TYW1B: variants seen among roughly 807,000 people sequenced by gnomAD.
The protein encoded by TYW1B is S-adenosyl-L-methionine-dependent tRNA 4-demethylwyosine synthase TYW1B.
Under a neutral mutation model 86.9 loss-of-function variants are expected in TYW1B, and 73 were observed. The ratio of observed to expected loss-of-function variants is 0.84; its 90% CI spans 0.70 to 1.02. The LOEUF is 1.02. Ranked by LOEUF, TYW1B falls within the 50% of genes least tolerant of loss-of-function variation. The pLI, the probability that TYW1B is intolerant of heterozygous loss-of-function variation, is 0.00. For missense variants in TYW1B, 637 were observed against 827.4 expected (o/e 0.77, Z 2.82); for synonymous variants, 248 against 292.8 (o/e 0.85, Z 1.56).
chr7:72,822,162 C>CAAAAAA (rs782637112), intron 2 of TYW1B, among the ~76,000 whole-genome samples: 45 of 35,722 alleles, frequency 1.3e-3, no homozygotes, highest in Admixed American at 2.0e-3. Flanking sequence ...GACCCTGTCT[C>CAAAAAA]AAAAAAAAAA....
intron 6 of TYW1B, among the ~76,000 whole-genome samples, chr7:72,780,413 G>A (rs576213095): frequency 3.5e-4 from 53 of 152,240 alleles, no homozygotes; most frequent in Admixed American, 2.2e-3. Context: ...AGACATGGCA[G>A]TATTTGCCCT....
intron 11 of TYW1B, among the ~76,000 whole-genome samples, chr7:72,677,982 G>A (rs1585896374): frequency 6.6e-6 from 1 of 152,154 alleles, no homozygotes; most frequent in Non-Finnish European, 1.5e-5. Flanking sequence ...GATTACAGGC[G>A]TGAGCCACCG....
chr7:72,744,521 T>G lies in TYW1B; in HGVS notation c.1045A>C (p.Ser349Arg). ...ACACATTTATTAGCACACGCCAAGC[T>G]CGGGGTGGTTTCCATGCAGCGATGG... ...ESHRCMETTP[S>R]LACANKCVFC... The change falls in exon 8 of 14, where the codon AGC becomes CGC. Residue 349 changes from serine (S) to arginine (R), a missense_variant. Ser to Arg is a moderately radical substitution (Grantham distance 110). Coordinates refer to ENST00000620995, the MANE Select transcript of TYW1B (RefSeq NM_001145440.3). 1 of 1,588,222 alleles carries G rather than the reference T, an allele frequency of 6.3e-7. No individual in the cohort carries two copies. The highest frequency in any genetic ancestry group is 8.5e-7 in the Non-Finnish European group (1 of 1,171,498).
At chr7:72,631,876 A>G (rs1227947378) in intron 11 of TYW1B, among the ~76,000 whole-genome samples, 1 of 152,176 alleles carries the variant, frequency 6.6e-6, no homozygotes, top group African/African-American at 2.4e-5. Context: ...TGAATGTAGC[A>G]TTTAGCATGT....
chr7:72,755,683 G>A (rs905914944), intron 7 of TYW1B, among the ~76,000 whole-genome samples: 11 of 152,084 alleles, frequency 7.2e-5, no homozygotes, highest in Non-Finnish European at 1.5e-4. Context: ...GAAGGGAAGC[G>A]TCATCTGTCA....
intron 13 of TYW1B, among the ~76,000 whole-genome samples, chr7:72,588,780 T>C (rs1210691706): frequency 7.2e-5 from 11 of 151,790 alleles, no homozygotes; most frequent in Admixed American, 3.9e-4. Context: ...GATTGAATTC[T>C]AGTTGTGTCC....
At chr7:72,648,146 A>G (rs1177605869) in intron 11 of TYW1B, among the ~76,000 whole-genome samples, 1 of 152,198 alleles carries the variant, frequency 6.6e-6, no homozygotes, top group Admixed American at 6.6e-5. Context: ...ACATGTATAC[A>G]TATACACTTT....
intron 7 of TYW1B, among the ~76,000 whole-genome samples, chr7:72,766,744 A>G (rs1460315465): frequency 6.6e-6 from 1 of 151,764 alleles, no homozygotes; most frequent in African/African-American, 2.4e-5. Flanking sequence ...CTGGCCAACA[A>G]GGTGAAACCC....
At chr7:72,749,340 C>G (rs1488463578) in intron 7 of TYW1B, among the ~76,000 whole-genome samples, 6 of 152,142 alleles carry the variant, frequency 3.9e-5, no homozygotes, top group African/African-American at 1.2e-4. Flanking sequence ...GTCACCCAGG[C>G]TGGAGTGCAG....
intron 11 of TYW1B, among the ~76,000 whole-genome samples, chr7:72,643,490 G>A (rs1351980332): frequency 2.6e-5 from 4 of 152,030 alleles, no homozygotes; most frequent in Admixed American, 1.3e-4. Flanking sequence ...GGGAGGCTGA[G>A]GCAGGAGAAC....
chr7:72,806,011 G>A (rs1388659197), intron 5 of TYW1B, among the ~76,000 whole-genome samples: 1 of 151,968 alleles, frequency 6.6e-6, no homozygotes, highest in Non-Finnish European at 1.5e-5. Flanking sequence ...AGAATGTGAG[G>A]GAAAAAGCGG....
rs1237841817 is a variant in TYW1B at position 72,794,044 on chromosome 7, G to A, written c.846+8356C>T. ...CTGCCTAGGAAATTCAGAAGCAAAC[G>A]GATCAGCTACTTGCATTAGCAAGTG... On this transcript the variant is annotated intron_variant, in intron 6 of 13. Transcript: ENST00000620995. 2.6e-5 allele frequency among the ~76,000 whole-genome samples: 4 copies of A among 152,264 alleles called. No homozygotes were observed. In the South Asian group the frequency reaches 6.2e-4, roughly 24 times the overall value.
intron 6 of TYW1B, among the ~76,000 whole-genome samples, chr7:72,792,127 G>A (rs1380475233): frequency 1.3e-5 from 2 of 152,012 alleles, no homozygotes; most frequent in East Asian, 3.9e-4. Context: ...CCAGGAGTTT[G>A]AGATCAACCT....
At chr7:72,673,953 A>G (rs1813674141) in intron 11 of TYW1B, among the ~76,000 whole-genome samples, 1 of 152,096 alleles carries the variant, frequency 6.6e-6, no homozygotes, top group Non-Finnish European at 1.5e-5. Flanking sequence ...TAGAGTTATT[A>G]TTTTTTTAAA....
intron 11 of TYW1B, among the ~76,000 whole-genome samples, chr7:72,660,917 A>C (rs1585883648): frequency 6.6e-6 from 1 of 151,592 alleles, no homozygotes; most frequent in Non-Finnish European, 1.5e-5. Flanking sequence ...CGGGTGGATC[A>C]CCTGAGGTCA....
At chr7:72,636,860 A>G (rs1812678730) in intron 11 of TYW1B, among the ~76,000 whole-genome samples, 1 of 152,122 alleles carries the variant, frequency 6.6e-6, no homozygotes, top group South Asian at 2.1e-4. Flanking sequence ...CTTTTGTCTT[A>G]TTCTTCTTAG....
At chr7:72,630,741 T>C (rs1345577280) in intron 11 of TYW1B, among the ~76,000 whole-genome samples, 7 of 152,192 alleles carry the variant, frequency 4.6e-5, no homozygotes, top group Non-Finnish European at 1.0e-4. Flanking sequence ...CAGTATATCA[T>C]GCAAGGAAAG....
chr7:72,664,989 AT>A (rs542156358), intron 11 of TYW1B, among the ~76,000 whole-genome samples: 7 of 152,072 alleles, frequency 4.6e-5, no homozygotes, highest in Non-Finnish European at 1.0e-4. Flanking sequence ...TTTACACTGT[AT>A]TTTTTTATTG....
intron 3 of TYW1B, 81 bp from the exon 4 acceptor site, chr7:72,810,746 T>C (rs1554478024): frequency 3.3e-6 from 5 of 1,497,518 alleles, no homozygotes; most frequent in East Asian, 2.3e-5. Flanking sequence ...AAAAAAAGCA[T>C]ACTCATCTCA....
Sources: gnomAD v4.1 joint callset for allele counts (sites outside exome capture counted in the v4.1 genomes callset) on GRCh38, gnomAD v4.1.1 for gene constraint, MANE v1.5 for transcripts, NCBI Gene and HGNC (gene_info 2026-07-23, HGNC 2026-07-21) for gene names.